The following MYO1H variants were observed in gnomAD, a reference collection of about 807,000 sequenced individuals.
The protein encoded by MYO1H is myosin IH.
In MYO1H, 118 loss-of-function variants were observed where a neutral mutation model predicts 149.3. The observed-to-expected ratio is 0.79, with a 90% confidence interval of 0.68 to 0.92. The LOEUF is 0.92. Ranked by LOEUF, MYO1H falls within the 40% of genes least tolerant of loss-of-function variation. The pLI, the probability that MYO1H is intolerant of heterozygous loss-of-function variation, is 0.00. For synonymous variants in MYO1H, 447 were observed against 465.2 expected, an observed-to-expected ratio of 0.96 and a Z score of 0.50; for missense variants, 1,212 against 1,280.7, an observed-to-expected ratio of 0.95 and a Z score of 0.82.
the MYO1H span, among the ~76,000 whole-genome samples, chr12:109,317,978 A>G: frequency 6.6e-6 from 1 of 152,364 alleles, no homozygotes; most frequent in Non-Finnish European, 1.5e-5. Context: ...CGTCATGGTT[A>G]TCAATGACAT....
At chr12:109,421,401 T>A (rs776661596) in intron 16 of MYO1H, among the ~76,000 whole-genome samples, 1 of 152,134 alleles carries the variant, frequency 6.6e-6, no homozygotes, top group Non-Finnish European at 1.5e-5. Context: ...AACAAGGAAC[T>A]GTGATTGAAG....
the MYO1H span, among the ~76,000 whole-genome samples, chr12:109,332,694 C>T: frequency 6.6e-6 from 1 of 152,220 alleles, no homozygotes; most frequent in Non-Finnish European, 1.5e-5. Flanking sequence ...CCTCTTGCCT[C>T]AGCTTCCTGA....
the MYO1H span, among the ~76,000 whole-genome samples, chr12:109,328,982 C>A: frequency 6.6e-6 from 1 of 151,560 alleles, no homozygotes; most frequent in African/African-American, 2.4e-5. Context: ...TTGTTCCTAA[C>A]AGTTGTGGTA....
intron 9 of MYO1H, 149 bp from the exon 10 acceptor site, chr12:109,407,645 T>C (rs1331037942): frequency 1.0e-5 from 6 of 596,164 alleles, no homozygotes; most frequent in Non-Finnish European, 1.6e-5. Context: ...GGTGGGCACC[T>C]GTAGTCCCAG....
At chr12:109,395,806 T>G (rs1221049735) in intron 3 of MYO1H, among the ~76,000 whole-genome samples, 1 of 152,068 alleles carries the variant, frequency 6.6e-6, no homozygotes, top group Non-Finnish European at 1.5e-5. Flanking sequence ...TCTAGTACAC[T>G]CTATATTTGA....
chr12:109,409,922 C>T (rs1388626615), intron 11 of MYO1H, 41 bp from the exon 12 acceptor site: 6 of 1,193,310 alleles, frequency 5.0e-6, no homozygotes, highest in South Asian at 1.6e-5. Context: ...AAATTGTTCT[C>T]TTCATATAAC....
At chr12:109,433,162 A>T (rs537938805) in intron 20 of MYO1H, among the ~76,000 whole-genome samples, 152 bp downstream of exon 20, 13 of 152,348 alleles carry the variant, frequency 8.5e-5, no homozygotes, top group Admixed American at 7.2e-4. Flanking sequence ...ATGTAAATGC[A>T]GCTCTTAATT....
At chr12:109,316,997 G>T in the MYO1H span, among the ~76,000 whole-genome samples, 6 of 152,214 alleles carry the variant, frequency 3.9e-5, no homozygotes, top group Middle Eastern at 3.2e-3. Context: ...GATGTGCTTT[G>T]CTGATAGTTC....
intron 16 of MYO1H, among the ~76,000 whole-genome samples, chr12:109,422,346 C>A (rs1871207525): frequency 6.6e-6 from 1 of 152,168 alleles, no homozygotes; most frequent in African/African-American, 2.4e-5. Flanking sequence ...GGTAGACGAG[C>A]AACTCCTGAC....
intron 4 of MYO1H, among the ~76,000 whole-genome samples, chr12:109,396,810 T>G: frequency 6.8e-6 from 1 of 147,030 alleles, no homozygotes; most frequent in Admixed American, 7.1e-5. Context: ...TTTGTTTTGG[T>G]TTCGTTTTTT....
intron 1 of MYO1H, among the ~76,000 whole-genome samples, chr12:109,372,602 T>C (rs969501495): frequency 2.6e-5 from 4 of 152,248 alleles, no homozygotes; most frequent in East Asian, 3.9e-4. Context: ...TTCAAGGTTA[T>C]GTTATTGAAT....
chr12:109,441,256 A>C (rs1005374833), intron 25 of MYO1H, among the ~76,000 whole-genome samples: 1 of 152,236 alleles, frequency 6.6e-6, no homozygotes, highest in Non-Finnish European at 1.5e-5. Context: ...TGTGTGCATG[A>C]ATGGCATGGC....
At chr12:109,398,772 A>G (rs549404846) in intron 5 of MYO1H, among the ~76,000 whole-genome samples, 9 of 149,990 alleles carry the variant, frequency 6.0e-5, no homozygotes, top group Non-Finnish European at 1.2e-4. Context: ...AAAAGACACA[A>G]GTAAACAATA....
intron 4 of MYO1H, among the ~76,000 whole-genome samples, chr12:109,397,421 G>A (rs1869962369): frequency 6.6e-6 from 1 of 152,112 alleles, no homozygotes; most frequent in South Asian, 2.1e-4. Flanking sequence ...GATGGGGGCT[G>A]TCCACTGTAC....
the MYO1H span, among the ~76,000 whole-genome samples, chr12:109,332,687 C>G: frequency 6.6e-6 from 1 of 152,234 alleles, no homozygotes; most frequent in Non-Finnish European, 1.5e-5. Context: ...AGGTGATCCT[C>G]TTGCCTCAGC....
At chr12:109,361,641 A>G (rs984175928) in intron 1 of MYO1H, among the ~76,000 whole-genome samples, 1 of 152,028 alleles carries the variant, frequency 6.6e-6, no homozygotes, top group African/African-American at 2.4e-5. Flanking sequence ...CCCTGTCTCT[A>G]TGAAAATTTT....
upstream of MYO1H, among the ~76,000 whole-genome samples, chr12:109,346,258 G>A (rs897213679): frequency 2.0e-5 from 3 of 152,142 alleles, no homozygotes; most frequent in African/African-American, 4.8e-5. Flanking sequence ...AAAGTGTACA[G>A]GAGGATGTGC....
At position 109,446,745 on chromosome 12, in the gene MYO1H, T is replaced by TA. The variant is rs1412488199; in HGVS notation, c.3094-413dup. Among the ~76,000 whole-genome samples the TA allele has an allele frequency of 1.3e-5, 2 of 152,184 alleles. 1 individual carries two copies. Among genetic ancestry groups the TA allele is most frequent in the Admixed American group, 1.3e-4 (2 of 15,270 alleles). ...CACCACTACACTCCAGCCTGGGCGA[T>TA]AGAGTGAGACTCCATCTCAAAAAAA... On this transcript the variant is annotated intron_variant, in intron 31 of 31. Transcript: ENST00000310903.
the MYO1H span, among the ~76,000 whole-genome samples, chr12:109,312,763 T>C: frequency 6.8e-6 from 1 of 146,542 alleles, no homozygotes; most frequent in South Asian, 2.1e-4. Context: ...TACCAAGGTT[T>C]TTTTTGTTTG....
Sources: allele counts gnomAD v4.1 joint callset (sites outside exome capture counted in the v4.1 genomes callset), GRCh38; gene constraint gnomAD v4.1.1; transcripts MANE v1.5; gene names NCBI Gene and HGNC (gene_info 2026-07-23, HGNC 2026-07-21).